Variants in LRRTM4 observed in about 807,000 individuals in gnomAD.
LRRTM4 encodes the protein leucine rich repeat transmembrane neuronal 4, also known as leucine-rich repeat transmembrane neuronal protein 4.
A neutral mutation model predicts 47.6 loss-of-function variants in LRRTM4; 25 were observed. The ratio of observed to expected loss-of-function variants is 0.53; its 90% CI spans 0.38 to 0.73. LRRTM4 has a LOEUF of 0.73. LRRTM4 is among the 30% of genes least tolerant of loss of function. The probability of loss-of-function intolerance (pLI) is 0.00; values close to 1 mark genes in which losing one functional copy is unlikely to be tolerated. For missense variants in LRRTM4, 638 were observed against 713.4 expected (o/e 0.89, Z 1.20); for synonymous variants, 311 against 269.5 (o/e 1.15, Z -1.51).
chr2:77,245,517 C>CAAAAAA (rs770133274), intron 3 of LRRTM4, among the ~76,000 whole-genome samples: 13 of 86,336 alleles, frequency 1.5e-4, no homozygotes, highest in South Asian at 3.7e-4. Context: ...GACACTGCCT[C>CAAAAAA]AAAAAAAAAA....
At chr2:77,088,330 C>T (rs1025954548) in intron 3 of LRRTM4, among the ~76,000 whole-genome samples, 1 of 152,008 alleles carries the variant, frequency 6.6e-6, no homozygotes, top group Non-Finnish European at 1.5e-5. Context: ...GTGAATATGC[C>T]CTGCCCCACC....
chr2:76,941,579 C>G (rs189409982), intron 3 of LRRTM4, among the ~76,000 whole-genome samples: 1 of 149,858 alleles, frequency 6.7e-6, no homozygotes, highest in Non-Finnish European at 1.5e-5. Context: ...GTTTTTTGTT[C>G]CTGTTTTAGT....
rs71656252 is a variant in LRRTM4, at chr2:77,351,614, T to TTATATATATATATATATATATA, written c.1551+166682_1551+166703dup. On this transcript the variant is annotated intron_variant, in intron 3 of 3. Coordinates refer to ENST00000409884, the MANE Select transcript of LRRTM4 (RefSeq NM_001134745.3). ...ATGCTTTTGTGAAACCATGACAAAT[T>TTATATATATATATATATATATA]TATATATATATATATATATATATAT... Among the ~76,000 whole-genome samples, 130 of 135,362 alleles carry TTATATATATATATATATATATA rather than the reference T, an allele frequency of 9.6e-4. 4 individuals carry two copies. Among genetic ancestry groups the TTATATATATATATATATATATA allele is most frequent in the African/African-American group, 3.1e-3 (112 of 35,628 alleles). The allele number at this position is 135,362 out of a possible 152,430, so 88.8% of individuals were successfully genotyped here.
chr2:77,180,660 G>T (rs1673322845), intron 3 of LRRTM4, among the ~76,000 whole-genome samples: 1 of 152,080 alleles, frequency 6.6e-6, no homozygotes, highest in Admixed American at 6.6e-5. Context: ...ATATCATCAT[G>T]TTGATTATAT....
intron 3 of LRRTM4, among the ~76,000 whole-genome samples, chr2:77,309,416 G>C (rs535611311): frequency 6.6e-6 from 1 of 152,242 alleles, no homozygotes; most frequent in Admixed American, 6.5e-5. Context: ...TGCAGATATG[G>C]CCATAATAAA....
At chr2:77,237,341 G>C (rs947336195) in intron 3 of LRRTM4, among the ~76,000 whole-genome samples, 1 of 152,008 alleles carries the variant, frequency 6.6e-6, no homozygotes, top group Non-Finnish European at 1.5e-5. Flanking sequence ...ATACAAAGAA[G>C]TATTGATAAT....
At chr2:77,290,443 A>T (rs940487798) in intron 3 of LRRTM4, among the ~76,000 whole-genome samples, 3 of 152,036 alleles carry the variant, frequency 2.0e-5, no homozygotes, top group Non-Finnish European at 2.9e-5. Context: ...GTTAACGGAT[A>T]CAAAAATATT....
intron 3 of LRRTM4, among the ~76,000 whole-genome samples, chr2:77,314,198 T>C (rs534642542): frequency 6.6e-6 from 1 of 152,350 alleles, no homozygotes; most frequent in East Asian, 1.9e-4. Flanking sequence ...ACTGAAAAAG[T>C]TGCAGTAGAT....
chr2:77,402,191 G>A (rs1673987529), intron 3 of LRRTM4, among the ~76,000 whole-genome samples: 1 of 151,828 alleles, frequency 6.6e-6, no homozygotes, highest in Admixed American at 6.6e-5. Context: ...TGTCACCCAG[G>A]CTGGAGTGCA....
At chr2:76,845,144 A>T (rs1037702708) in intron 3 of LRRTM4, among the ~76,000 whole-genome samples, 3 of 152,202 alleles carry the variant, frequency 2.0e-5, no homozygotes, top group African/African-American at 7.2e-5. Flanking sequence ...AGACAATCAG[A>T]ATAATAATAC....
intron 3 of LRRTM4, among the ~76,000 whole-genome samples, chr2:77,412,959 G>A (rs1404244752): frequency 6.6e-6 from 1 of 152,024 alleles, no homozygotes; most frequent in Non-Finnish European, 1.5e-5. Context: ...TCATTGTTCA[G>A]CAATTTACTA....
intron 3 of LRRTM4, among the ~76,000 whole-genome samples, chr2:77,112,974 C>T (rs1380050126): frequency 1.3e-5 from 2 of 152,054 alleles, no homozygotes; most frequent in African/African-American, 2.4e-5. Flanking sequence ...TTTTTCAACC[C>T]CGTCTTGTAA....
chr2:77,075,375 T>TA (rs1355159887), intron 3 of LRRTM4, among the ~76,000 whole-genome samples: 1 of 152,218 alleles, frequency 6.6e-6, no homozygotes, highest in Non-Finnish European at 1.5e-5. Context: ...GGTTAATTTT[T>TA]AAAAAATTTC....
At chr2:77,232,512 C>T (rs909867547) in intron 3 of LRRTM4, among the ~76,000 whole-genome samples, 7 of 152,188 alleles carry the variant, frequency 4.6e-5, no homozygotes, top group Non-Finnish European at 1.0e-4. Flanking sequence ...TCTCTTGTGC[C>T]TTCAGAATGA....
In LRRTM4 at chr2:76,904,076, T is replaced by A. The variant is rs753330058; in HGVS notation, c.1552-155160A>T. 6.9e-4 allele frequency among the ~76,000 whole-genome samples: 105 copies of A among 152,206 alleles called. 1 individual carries two copies. The highest frequency in any genetic ancestry group is 1.9e-4 in the Non-Finnish European group (13 of 68,040). ...CAGCAACACTGGTGACAGCTCTGAT[T>A]CCCACCTACTCAGAACAACTGAAAT... On this transcript the variant is annotated intron_variant, in intron 3 of 3. Transcript: ENST00000409884.
chr2:77,014,428 G>A (rs538556057), intron 3 of LRRTM4, among the ~76,000 whole-genome samples: 45 of 151,310 alleles, frequency 3.0e-4, no homozygotes, highest in African/African-American at 8.5e-4. Flanking sequence ...AAATCATCTC[G>A]TCCCTCTTGT....
At chr2:77,015,210 A>T (rs2104081733) in intron 3 of LRRTM4, among the ~76,000 whole-genome samples, 1 of 152,238 alleles carries the variant, frequency 6.6e-6, no homozygotes, top group Non-Finnish European at 1.5e-5. Flanking sequence ...GAGATTTCAG[A>T]CTTGCCTGCC....
At chr2:76,891,962 A>C (rs2103715504) in intron 3 of LRRTM4, among the ~76,000 whole-genome samples, 1 of 151,786 alleles carries the variant, frequency 6.6e-6, no homozygotes, top group East Asian at 1.9e-4. Flanking sequence ...AATTTCTCTA[A>C]TATATAACAA....
chr2:76,860,023 T>TG (rs1193434480), intron 3 of LRRTM4, among the ~76,000 whole-genome samples: 2 of 152,168 alleles, frequency 1.3e-5, no homozygotes, highest in Non-Finnish European at 2.9e-5. Flanking sequence ...TTACCATCCA[T>TG]GGGGGTCTTT....
Sources: allele counts gnomAD v4.1 joint callset (sites outside exome capture counted in the v4.1 genomes callset), GRCh38; gene constraint gnomAD v4.1.1; transcripts MANE v1.5; gene names NCBI Gene and HGNC (gene_info 2026-07-23, HGNC 2026-07-21).